The following SRGAP3 variants were observed in gnomAD, a reference collection of about 807,000 sequenced individuals.
SRGAP3 encodes the protein SLIT-ROBO Rho GTPase-activating protein 3.
A neutral mutation model predicts 121.1 loss-of-function variants in SRGAP3; 39 were observed. The observed-to-expected ratio is 0.32, with a 90% CI of 0.25 to 0.42. The LOEUF is 0.42. Ranked by LOEUF, SRGAP3 falls within the 10% of genes least tolerant of loss-of-function variation. The pLI, the probability that SRGAP3 is intolerant of heterozygous loss-of-function variation, is 1.00. For missense variants in SRGAP3, 1,213 were observed against 1,470.6 expected (o/e 0.82, Z 2.86); for synonymous variants, 601 against 570.0 (o/e 1.05, Z -0.77).
chr3:9,026,960 G>A lies in SRGAP3; in HGVS notation c.1575C>T (p.Ser525=). ...SGQAIPLVVE[S]CIRYINLYGL... ...CATATAAATTGATGTAACGGATGCA[G>A]CTCTCGACTACAAGCGGTATAGCTT... Residue 525 remains serine (S), a synonymous_variant, in exon 13 of 22, where the codon AGC becomes AGT. Transcript: ENST00000383836. The A allele has an allele frequency of 6.2e-7, 1 of 1,614,202 alleles. No individual in the cohort carries two copies. Among genetic ancestry groups the A allele is most frequent in the Non-Finnish European group, 8.5e-7 (1 of 1,180,038 alleles).
At chr3:9,211,862 G>T (rs1439823691) in intron 1 of SRGAP3, among the ~76,000 whole-genome samples, 1 of 151,788 alleles carries the variant, frequency 6.6e-6, no homozygotes, top group African/African-American at 2.4e-5. Flanking sequence ...TCTTTGTAGA[G>T]ATAAGGTCTC....
chr3:9,173,230 T>A (rs1951053272), intron 1 of SRGAP3, among the ~76,000 whole-genome samples: 1 of 152,166 alleles, frequency 6.6e-6, no homozygotes, highest in African/African-American at 2.4e-5. Context: ...CACACAGATG[T>A]TTGCAAGTGC....
chr3:9,297,039 C>T (rs1047162719), intron 3 of SRGAP3, among the ~76,000 whole-genome samples: 5 of 152,134 alleles, frequency 3.3e-5, no homozygotes, highest in Non-Finnish European at 7.3e-5. Context: ...TGTGCACCAC[C>T]GCACCCAGCT....
chr3:9,255,841 C>T (rs942424097), intron 3 of SRGAP3, among the ~76,000 whole-genome samples: 1 of 152,190 alleles, frequency 6.6e-6, no homozygotes, highest in Non-Finnish European at 1.5e-5. Context: ...AGCATCTTCT[C>T]ATTTAGTATC....
intron 1 of SRGAP3, among the ~76,000 whole-genome samples, chr3:9,189,181 A>C (rs1951683345): frequency 1.3e-5 from 2 of 152,230 alleles, no homozygotes; most frequent in South Asian, 4.1e-4. Flanking sequence ...AGCTCCAGTC[A>C]ATCTTGTCTC....
intron 21 of SRGAP3, among the ~76,000 whole-genome samples, chr3:8,987,419 TA>T (rs35968802): frequency 1.3e-5 from 2 of 151,856 alleles, no homozygotes; most frequent in Middle Eastern, 3.4e-3. Flanking sequence ...TTGCAAATCC[TA>T]AAAAAAATAA....
intron 9 of SRGAP3, among the ~76,000 whole-genome samples, chr3:9,047,785 G>C (rs1448190409): frequency 6.6e-6 from 1 of 152,222 alleles, no homozygotes; most frequent in Non-Finnish European, 1.5e-5. Context: ...AGGGCCACGG[G>C]GAGACAAAGC....
intron 1 of SRGAP3, among the ~76,000 whole-genome samples, chr3:9,155,865 G>C (rs2125065530): frequency 6.6e-6 from 1 of 152,284 alleles, no homozygotes; most frequent in African/African-American, 2.4e-5. Context: ...GCCCAGGCTG[G>C]AGTGCAGTGG....
chr3:9,330,601 T>G (rs535455382), intron 1 of SRGAP3: 1 of 152,922 alleles, frequency 6.5e-6, no homozygotes, highest in South Asian at 1.9e-4. Context: ...CATCATCTGA[T>G]AAAAGAAAAA....
At chr3:9,101,794 TC>T (rs1191086858) in intron 3 of SRGAP3, among the ~76,000 whole-genome samples, 2 of 152,188 alleles carry the variant, frequency 1.3e-5, no homozygotes, top group Non-Finnish European at 2.9e-5. Flanking sequence ...AGAGTCCTGA[TC>T]ACTAACGATG....
intron 18 of SRGAP3, among the ~76,000 whole-genome samples, chr3:8,995,178 A>G (rs758143866): frequency 1.6e-4 from 25 of 152,198 alleles, no homozygotes; most frequent in Non-Finnish European, 3.1e-4. Flanking sequence ...GTGTCTTTAT[A>G]AGAGGAGCAG....
At chr3:9,135,059 C>G (rs748542417) in intron 1 of SRGAP3, among the ~76,000 whole-genome samples, 1 of 152,148 alleles carries the variant, frequency 6.6e-6, no homozygotes, top group Non-Finnish European at 1.5e-5. Context: ...TTGTCCAACA[C>G]AGTCGCCACT....
At chr3:9,209,141 T>C (rs1379155649) in intron 1 of SRGAP3, among the ~76,000 whole-genome samples, 1 of 152,228 alleles carries the variant, frequency 6.6e-6, no homozygotes, top group Non-Finnish European at 1.5e-5. Flanking sequence ...CACCTCCTTC[T>C]GGGGATATTA....
intron 10 of SRGAP3, among the ~76,000 whole-genome samples, chr3:9,045,981 T>A (rs771418025): frequency 1.3e-5 from 2 of 152,082 alleles, no homozygotes; most frequent in African/African-American, 2.4e-5. Context: ...TTCTCACTGT[T>A]TTTCTTCCCT....
At chr3:9,195,191 G>A (rs1369106003) in intron 1 of SRGAP3, among the ~76,000 whole-genome samples, 1 of 152,240 alleles carries the variant, frequency 6.6e-6, no homozygotes, top group Admixed American at 6.5e-5. Flanking sequence ...ATAACTGCAA[G>A]TGCACAGATT....
chr3:9,276,194 T>A (rs981026009), intron 3 of SRGAP3, among the ~76,000 whole-genome samples: 1 of 152,206 alleles, frequency 6.6e-6, no homozygotes, highest in Non-Finnish European at 1.5e-5. Flanking sequence ...CCCCTTCTTC[T>A]GCAGAGCCCA....
intron 1 of SRGAP3, among the ~76,000 whole-genome samples, chr3:9,145,641 A>G (rs1949997735): frequency 6.6e-6 from 1 of 152,210 alleles, no homozygotes; most frequent in Non-Finnish European, 1.5e-5. Flanking sequence ...CCCTTGAGGA[A>G]TTCGGCAGAC....
chr3:9,358,167 A>G (rs1307821572), intron 1 of SRGAP3, among the ~76,000 whole-genome samples: 1 of 152,174 alleles, frequency 6.6e-6, no homozygotes, highest in South Asian at 2.1e-4. Flanking sequence ...GACCATCTTT[A>G]CTACCTAATT....
chr3:9,113,992 C>T (rs1316826086), intron 2 of SRGAP3, among the ~76,000 whole-genome samples: 13 of 152,282 alleles, frequency 8.5e-5, no homozygotes, highest in South Asian at 2.1e-4. Flanking sequence ...AGCCAGAGAG[C>T]GCAGTTCAGG....
Sources: allele counts gnomAD v4.1 joint callset (sites outside exome capture counted in the v4.1 genomes callset), GRCh38; gene constraint gnomAD v4.1.1; transcripts MANE v1.5; gene names NCBI Gene and HGNC (gene_info 2026-07-23, HGNC 2026-07-21).